NBEAL1: variants seen among roughly 807,000 people sequenced by gnomAD.
NBEAL1 encodes neurobeachin like 1.
In NBEAL1, 273 loss-of-function variants were observed where a neutral mutation model predicts 351.3. The observed-to-expected ratio is 0.78, with a 90% CI of 0.70 to 0.86. NBEAL1 has a LOEUF of 0.86. Among genes scored for constraint, NBEAL1 ranks in the 40% least tolerant of loss-of-function variants. NBEAL1 has a pLI of 0.00. For missense variants in NBEAL1, 2,961 were observed against 3,201.3 expected, an observed-to-expected ratio of 0.92 and a Z score of 1.81; for synonymous variants, 1,050 against 1,086.4, an observed-to-expected ratio of 0.97 and a Z score of 0.66.
intron 24 of NBEAL1, among the ~76,000 whole-genome samples, chr2:203,128,421 A>T (rs1367919156): frequency 6.6e-6 from 1 of 151,486 alleles, no homozygotes; most frequent in Non-Finnish European, 1.5e-5. Flanking sequence ...AGTAAATTTT[A>T]TCTACTAACT....
chr2:203,093,343 ACT>A (rs1223592266), intron 10 of NBEAL1, among the ~76,000 whole-genome samples: 6 of 152,054 alleles, frequency 3.9e-5, no homozygotes, highest in Non-Finnish European at 7.4e-5. Flanking sequence ...AGTATATGAA[ACT>A]CAGATATAAC....
At chr2:203,135,480 A>G (rs574790922) in intron 27 of NBEAL1, among the ~76,000 whole-genome samples, 197 bp from the exon 28 acceptor site, 166 of 152,304 alleles carry the variant, frequency 1.1e-3, no homozygotes, top group Middle Eastern at 3.4e-3. Flanking sequence ...ACAATGAGTA[A>G]TATGGAGATT....
chr2:203,214,701 G>A (rs578157230), intron 55 of NBEAL1, among the ~76,000 whole-genome samples: 15 of 152,254 alleles, frequency 9.9e-5, no homozygotes, highest in African/African-American at 2.9e-4. Flanking sequence ...CTTGAACCTG[G>A]GAATTGGAGG....
chr2:203,069,480 G>A (rs951847964), intron 7 of NBEAL1, among the ~76,000 whole-genome samples: 2 of 152,148 alleles, frequency 1.3e-5, no homozygotes, highest in Non-Finnish European at 2.9e-5. Context: ...CCATCCAAGG[G>A]CTATTCTTTG....
chr2:203,137,188 C>G (rs904785268), intron 29 of NBEAL1, among the ~76,000 whole-genome samples: 2 of 152,190 alleles, frequency 1.3e-5, no homozygotes, highest in African/African-American at 4.8e-5. Context: ...GTCCAACCCA[C>G]AGGTTGCAGG....
intron 33 of NBEAL1, among the ~76,000 whole-genome samples, chr2:203,147,855 T>C (rs2063550523): frequency 6.6e-6 from 1 of 152,038 alleles, no homozygotes; most frequent in Middle Eastern, 3.2e-3. Context: ...GTCCTTATGA[T>C]AAATACTGTT....
chr2:203,055,526 G>T (rs1001854744), intron 4 of NBEAL1, among the ~76,000 whole-genome samples: 2 of 152,058 alleles, frequency 1.3e-5, no homozygotes, highest in Non-Finnish European at 2.9e-5. Context: ...GATTGCATGA[G>T]CCCAAGAGTT....
intron 49 of NBEAL1, among the ~76,000 whole-genome samples, chr2:203,200,250 C>G (rs1419636746): frequency 6.6e-6 from 1 of 152,120 alleles, no homozygotes; most frequent in African/African-American, 2.4e-5. Context: ...TGGTGGCTCA[C>G]ACCTGTAATC....
rs372608710 is a variant in NBEAL1 at position 203,199,409 on chromosome 2, C to T, written c.7200C>T (p.Tyr2400=). 28 of 1,606,130 alleles carry T rather than the reference C, an allele frequency of 1.7e-5. No individual in the cohort carries two copies. The highest frequency in any genetic ancestry group is 2.2e-5 in the Non-Finnish European group (26 of 1,173,762). The change falls in exon 49 of 56, where the codon TAC becomes TAT. Residue 2400 remains tyrosine, a synonymous_variant. Coordinates refer to ENST00000683969, the MANE Select transcript of NBEAL1 (RefSeq NM_001378026.1). ...WLPYDRNISN[Y]FTFIKDQTVT... ...CTTATGACAGAAACATTTCTAATTA[C>T]TTTACATTCATCAAGGATCAAACTG...
intron 52 of NBEAL1, 49 bp from the exon 53 acceptor site, chr2:203,209,112 C>A: frequency 6.9e-7 from 1 of 1,443,430 alleles, no homozygotes; most frequent in Non-Finnish European, 9.6e-7. Context: ...TTCTTTTTTG[C>A]TGTTCTTTTC....
chr2:203,128,471 C>A (rs183592877), intron 24 of NBEAL1, among the ~76,000 whole-genome samples: 1 of 151,858 alleles, frequency 6.6e-6, no homozygotes, highest in Non-Finnish European at 1.5e-5. Context: ...ATTTAATATT[C>A]CAATTAGCTA....
chr2:203,035,186 C>T (rs2061022106), intron 2 of NBEAL1, among the ~76,000 whole-genome samples: 1 of 149,256 alleles, frequency 6.7e-6, no homozygotes, highest in Non-Finnish European at 1.5e-5. Flanking sequence ...GTCTGCTGTG[C>T]TTTAACATAA....
chr2:203,154,185 G>T (rs1319953813), intron 35 of NBEAL1, among the ~76,000 whole-genome samples: 4 of 142,244 alleles, frequency 2.8e-5, no homozygotes, highest in African/African-American at 1.2e-4. Flanking sequence ...GCAGTGAGCC[G>T]AGATTGTGCC....
At chr2:203,184,305 C>A (rs1345749442) in intron 44 of NBEAL1, among the ~76,000 whole-genome samples, 1 of 151,888 alleles carries the variant, frequency 6.6e-6, no homozygotes, top group Non-Finnish European at 1.5e-5. Flanking sequence ...TTGGCGGGTG[C>A]CTGTAATCCC....
chr2:203,046,204 G>GTAGA (rs939308371), intron 3 of NBEAL1, among the ~76,000 whole-genome samples: 1 of 130,346 alleles, frequency 7.7e-6, no homozygotes, highest in African/African-American at 2.6e-5. Flanking sequence ...AGGAACAACA[G>GTAGA]TAGATATTTA....
chr2:203,149,124 G>A lies in NBEAL1; in HGVS notation c.5438G>A (p.Cys1813Tyr), dbSNP rs982768151. ...RWKAIQLYLT[C>Y]ERGPWAKRKQ... The stretch of plus-strand genomic sequence containing the variant: ...AAAGCAATACAGCTCTATCTTACAT[G>A]TGAAAGGGGACCTTGGGCTAAAAGG... The change falls in exon 34 of 56, where the codon TGT becomes TAT. Residue 1813 changes from cysteine (C) to tyrosine (Y), a missense_variant. Physicochemically the swap from Cys to Tyr is radical, Grantham distance 194. Coordinates refer to ENST00000683969, the MANE Select transcript of NBEAL1 (RefSeq NM_001378026.1). 15 of 1,602,592 alleles carry A rather than the reference G, an allele frequency of 9.4e-6. No individual in the cohort carries two copies. The highest frequency in any genetic ancestry group is 1.3e-5 in the Non-Finnish European group (15 of 1,173,526).
intron 44 of NBEAL1, among the ~76,000 whole-genome samples, chr2:203,185,729 G>A (rs1455801144): frequency 6.6e-6 from 1 of 152,122 alleles, no homozygotes; most frequent in African/African-American, 2.4e-5. Context: ...TGTAATGTCA[G>A]GATATCTCCT....
At chr2:203,211,284 A>AAT (rs1160971163) in intron 54 of NBEAL1, among the ~76,000 whole-genome samples, 178 bp downstream of exon 54, 5 of 152,152 alleles carry the variant, frequency 3.3e-5, no homozygotes, top group East Asian at 1.9e-4. Context: ...TCATAAAGGA[A>AAT]ATATATATAT....
rs1575144298 is a variant in NBEAL1 at position 203,221,497 on chromosome 2, G to C, written c.*4143G>C. Among the ~76,000 whole-genome samples the C allele has an allele frequency of 6.6e-6, 1 of 151,828 alleles. No homozygotes were observed. The highest frequency in any genetic ancestry group is 2.1e-4 in the South Asian group (1 of 4,814). On this transcript the variant is annotated 3_prime_UTR_variant, in exon 56 of 56. Transcript: ENST00000683969. ...AACAGGTTCTTGAACCTATCTTTAGGATACAGTTTTTGACTGGGATATAAG... is the reference window on the plus strand; with the variant it reads ...AACAGGTTCTTGAACCTATCTTTAGCATACAGTTTTTGACTGGGATATAAG...
Sources: gnomAD v4.1 joint callset for allele counts (sites outside exome capture counted in the v4.1 genomes callset) on GRCh38, gnomAD v4.1.1 for gene constraint, MANE v1.5 for transcripts, NCBI Gene and HGNC (gene_info 2026-07-23, HGNC 2026-07-21) for gene names.